Variants in KCNQ1 observed in about 807,000 individuals in gnomAD.
KCNQ1 encodes potassium voltage-gated channel subfamily KQT member 1.
In KCNQ1, 49 loss-of-function variants were observed where a neutral mutation model predicts 72.4. The ratio of observed to expected loss-of-function variants is 0.68; its 90% CI spans 0.54 to 0.86. The LOEUF (loss-of-function observed/expected upper bound fraction) is 0.86. Among genes scored for constraint, KCNQ1 ranks in the 40% least tolerant of loss-of-function variants. The pLI, the probability that KCNQ1 is intolerant of heterozygous loss-of-function variation, is 0.00. For synonymous variants in KCNQ1, 450 were observed against 412.6 expected (o/e 1.09, Z -1.10); for missense variants, 790 against 945.1 (o/e 0.84, Z 2.15).
Position 2,669,601 on chromosome 11 carries a change from G to A in KCNQ1, c.1514+7520G>A. 2.5e-6 allele frequency: 1 copy of A among 398,586 alleles called. No homozygotes were observed. Among genetic ancestry groups the A allele is most frequent in the East Asian group, 3.6e-5 (1 of 28,078 alleles). 24.7% of individuals were successfully genotyped at this position (398,586 alleles called of 1,614,324 possible). On this transcript the variant is annotated intron_variant, in intron 11 of 15. Coordinates refer to ENST00000155840, the MANE Select transcript of KCNQ1 (RefSeq NM_000218.3). The surrounding 1 kb of genome is among the most constrained non-coding windows in gnomAD (Gnocchi z 5.6). ...TTTCATCCTGCCCACAGGACACTGG[G>A]GCAGTCACCTAATCTCTATCAGCCT...
rs1259823732 is a variant in KCNQ1 at position 2,686,049 on chromosome 11, T to TGGGGCA, written c.1514+23979_1514+23984dup. 5 of 399,250 alleles carry TGGGGCA rather than the reference T, an allele frequency of 1.3e-5. No homozygotes were observed. The Admixed American group carries it at 1.3e-4, about 11-fold the overall frequency. The allele number at this position is 399,250 out of a possible 1,614,324, so 24.7% of individuals were successfully genotyped here. On this transcript the variant is annotated intron_variant, in intron 11 of 15. Coordinates refer to ENST00000155840, the MANE Select transcript of KCNQ1 (RefSeq NM_000218.3). ...AGCCCCGCCAGCTCGCACCATCTGA[T>TGGGGCA]GGGGCAGGGGCAGGGGAAGGACAGG...
At position 2,647,987 on chromosome 11, in the gene KCNQ1, G is replaced by T. The variant is rs972918912; in HGVS notation, c.1394-13974G>T. The T allele has an allele frequency of 1.9e-4, 75 of 397,604 alleles. No individual in the cohort carries two copies. Among genetic ancestry groups the T allele is most frequent in the Admixed American group, 5.3e-4 (12 of 22,680 alleles). 24.6% of individuals were successfully genotyped at this position (397,604 alleles called of 1,614,324 possible). Reference sequence around the variant, plus strand: ...CCAGTACTTTGGAAGGCCAAGGCAGGCCGATCGCTTGAGTCCAGGAGTTTG... The same window carrying T: ...CCAGTACTTTGGAAGGCCAAGGCAGTCCGATCGCTTGAGTCCAGGAGTTTG... On this transcript the variant is annotated intron_variant, in intron 10 of 15. Coordinates refer to ENST00000155840, the MANE Select transcript of KCNQ1 (RefSeq NM_000218.3). This position sits in a 1 kb window ranked among gnomAD's most constrained non-coding sequence, Gnocchi z 4.0.
chr11:2,507,408 C>T lies in KCNQ1; in HGVS notation c.387-20520C>T, dbSNP rs1396782211. The stretch of plus-strand genomic sequence containing the variant: ...CTGAGGTGGCTGTGGGATGGGACGG[C>T]GTGGTTTGCTCTAGAGGGTTTGAAG... On this transcript the variant is annotated intron_variant, in intron 1 of 15. Coordinates refer to ENST00000155840, the MANE Select transcript of KCNQ1 (RefSeq NM_000218.3). The surrounding 1 kb of genome is among the most constrained non-coding windows in gnomAD (Gnocchi z 5.4). Among the ~76,000 whole-genome samples, 1 of 151,676 alleles carries T rather than the reference C, an allele frequency of 6.6e-6. No homozygotes were observed. Among genetic ancestry groups the T allele is most frequent in the African/African-American group, 2.4e-5 (1 of 41,246 alleles).
At position 2,674,413 on chromosome 11, in the gene KCNQ1, C is replaced by G. The variant is rs1850251693; in HGVS notation, c.1514+12332C>G. On this transcript the variant is annotated intron_variant, in intron 11 of 15. Coordinates refer to ENST00000155840, the MANE Select transcript of KCNQ1 (RefSeq NM_000218.3). The surrounding 1 kb of genome is among the most constrained non-coding windows in gnomAD (Gnocchi z 5.9). ...CATGCGTGCGTGTGTGTGTGCGCGC[C>G]CGCGCGCACACGACCACAGAGGCTG... is the stretch of plus-strand genomic sequence containing the variant. 1 of 398,394 alleles carries G rather than the reference C, an allele frequency of 2.5e-6. No homozygotes were observed. The highest frequency in any genetic ancestry group is 4.4e-6 in the Non-Finnish European group (1 of 226,006). 24.7% of individuals were successfully genotyped at this position (398,394 alleles called of 1,614,324 possible).
chr11:2,677,657 T>G lies in KCNQ1; in HGVS notation c.1514+15576T>G. Reference sequence around the variant, plus strand: ...TGTAACTCTAACAACTGTTATTGCATATGAGATAAAATAATATTTTAACTA... The same window carrying G: ...TGTAACTCTAACAACTGTTATTGCAGATGAGATAAAATAATATTTTAACTA... On this transcript the variant is annotated intron_variant, in intron 11 of 15. Coordinates refer to ENST00000155840, the MANE Select transcript of KCNQ1 (RefSeq NM_000218.3). This position sits in a 1 kb window ranked among gnomAD's most constrained non-coding sequence, Gnocchi z 4.5. The G allele has an allele frequency of 5.0e-6, 2 of 398,640 alleles. No individual in the cohort carries two copies. The highest frequency in any genetic ancestry group is 4.4e-6 in the Non-Finnish European group (1 of 226,058). The allele number at this position is 398,640 out of a possible 1,614,324, so 24.7% of individuals were successfully genotyped here. A position where few individuals can be genotyped will look rare whatever the true frequency, so the allele number is the denominator to read the frequency against.
At chr11:2,448,129 T>TC (rs1846071976) in intron 1 of KCNQ1, among the ~76,000 whole-genome samples, 1 of 152,194 alleles carries the variant, frequency 6.6e-6, no homozygotes, top group Non-Finnish European at 1.5e-5. Context: ...CACCCAGCGG[T>TC]CCTAGCTCCC....
chr11:2,549,765 C>T lies in KCNQ1; in HGVS notation c.478-20863C>T, dbSNP rs996697285. Among the ~76,000 whole-genome samples, 17 of 152,200 alleles carry T rather than the reference C, an allele frequency of 1.1e-4. No homozygotes were observed. Among genetic ancestry groups the T allele is most frequent in the South Asian group, 6.2e-4 (3 of 4,824 alleles). On this transcript the variant is annotated intron_variant, in intron 2 of 15. Transcript: ENST00000155840. This position sits in a 1 kb window ranked among gnomAD's most constrained non-coding sequence, Gnocchi z 6.2. Reference sequence around the variant, plus strand: ...GGGGCAGTGGACGTGAGCAGCAGCACGTGGCCCCCAGTCATGAGTACCCCA... The same window carrying T: ...GGGGCAGTGGACGTGAGCAGCAGCATGTGGCCCCCAGTCATGAGTACCCCA...
chr11:2,825,803 G>A lies in KCNQ1; in HGVS notation c.1795-21964G>A, dbSNP rs944687552. Reference sequence around the variant, plus strand: ...TTGCTCAGTAACGGACTGGACCAGCGCGGCCTCCACGCCAGGGACTGGGGC... The same window carrying A: ...TTGCTCAGTAACGGACTGGACCAGCACGGCCTCCACGCCAGGGACTGGGGC... On this transcript the variant is annotated intron_variant, in intron 15 of 15. Transcript: ENST00000155840. Among the ~76,000 whole-genome samples, 18 of 152,190 alleles carry A rather than the reference G, an allele frequency of 1.2e-4. 1 individual carries two copies. Among genetic ancestry groups the A allele is most frequent in the African/African-American group, 3.4e-4 (14 of 41,450 alleles).
rs1846212760 is a variant in KCNQ1, at chr11:2,457,390, G to A, written c.386+11906G>A. On this transcript the variant is annotated intron_variant, in intron 1 of 15. Transcript: ENST00000155840. The surrounding 1 kb of genome is among the most constrained non-coding windows in gnomAD (Gnocchi z 5.0). ...AAGACATGAGTCAACTCAGGTGCCT[G>A]TCAATGGTAGATCGAATAAAGCAAA... is the stretch of plus-strand genomic sequence containing the variant. Among the ~76,000 whole-genome samples the A allele has an allele frequency of 6.6e-6, 1 of 152,220 alleles. No homozygotes were observed. The highest frequency in any genetic ancestry group is 1.5e-5 in the Non-Finnish European group (1 of 68,052).
chr11:2,644,736 T>G (rs1849640481), intron 10 of KCNQ1: 1 of 398,574 alleles, frequency 2.5e-6, no homozygotes, highest in Non-Finnish European at 4.4e-6. Flanking sequence ...ATCTATGGTG[T>G]TCTTTGGGCA....
intron 2 of KCNQ1, among the ~76,000 whole-genome samples, chr11:2,533,304 C>T (rs775358912): frequency 2.6e-5 from 4 of 152,124 alleles, no homozygotes; most frequent in Admixed American, 1.3e-4. Context: ...AAAGCCATTT[C>T]GGGAGGAATC....
rs1228177507 is a variant in KCNQ1 at position 2,668,627 on chromosome 11, T to G, written c.1514+6546T>G. The stretch of plus-strand genomic sequence containing the variant: ...TTGCCTACATCTTCTGCCTGTTTTA[T>G]GTTTATTTATGGTCCTATATATCTT... On this transcript the variant is annotated intron_variant, in intron 11 of 15. Transcript: ENST00000155840. This position sits in a 1 kb window ranked among gnomAD's most constrained non-coding sequence, Gnocchi z 4.3. 1.0e-5 allele frequency: 4 copies of G among 398,526 alleles called. No homozygotes were observed. The East Asian group carries it at 1.1e-4, about 11-fold the overall frequency. 24.7% of individuals were successfully genotyped at this position (398,526 alleles called of 1,614,324 possible).
rs1849912427 is a variant in KCNQ1, at chr11:2,659,494, A to G, written c.1394-2467A>G. 1 of 398,414 alleles carries G rather than the reference A, an allele frequency of 2.5e-6. No homozygotes were observed. Among genetic ancestry groups the G allele is most frequent in the Non-Finnish European group, 4.4e-6 (1 of 226,024 alleles). The allele number at this position is 398,414 out of a possible 1,614,324, so 24.7% of individuals were successfully genotyped here. ...TTGCATGAATATATACATTTTGTTT[A>G]TGCATTCACCTGTTGAAGGACATCT... On this transcript the variant is annotated intron_variant, in intron 10 of 15. Coordinates refer to ENST00000155840, the MANE Select transcript of KCNQ1 (RefSeq NM_000218.3). This position sits in a 1 kb window ranked among gnomAD's most constrained non-coding sequence, Gnocchi z 4.3.
chr11:2,565,156 T>G lies in KCNQ1; in HGVS notation c.478-5472T>G, dbSNP rs991564073. Among the ~76,000 whole-genome samples, 2 of 152,200 alleles carry G rather than the reference T, an allele frequency of 1.3e-5. No individual in the cohort carries two copies. Among genetic ancestry groups the G allele is most frequent in the Non-Finnish European group, 2.9e-5 (2 of 68,028 alleles). ...CTGGCATGTTATTTAAACAGACTAT[T>G]TGTTAGAGCAGTTTTAGGTTCACAG... On this transcript the variant is annotated intron_variant, in intron 2 of 15. Coordinates refer to ENST00000155840, the MANE Select transcript of KCNQ1 (RefSeq NM_000218.3). This position sits in a 1 kb window ranked among gnomAD's most constrained non-coding sequence, Gnocchi z 5.6.
rs139718180 is a variant in KCNQ1 at position 2,512,201 on chromosome 11, C to T, written c.387-15727C>T. 1.5e-4 allele frequency among the ~76,000 whole-genome samples: 23 copies of T among 152,306 alleles called. No homozygotes were observed. In the East Asian group the frequency reaches 3.1e-3, roughly 21 times the overall value. ...TCGCTGAGCACTTGGCCTGCCCAGC[C>T]GGTGACAATGAGAACCGCACATGCT... On this transcript the variant is annotated intron_variant, in intron 1 of 15. Transcript: ENST00000155840.
Position 2,631,603 on chromosome 11 carries a change from T to C in KCNQ1, c.1394-30358T>C. ...TTCTTGGGAGTCAGTCCCTGAAAAT[T>C]ATTGTATTTCTCAGGTGGGTGCTAT... On this transcript the variant is annotated intron_variant, in intron 10 of 15. Transcript: ENST00000155840. 7 of 398,632 alleles carry C rather than the reference T, an allele frequency of 1.8e-5. No individual in the cohort carries two copies. The Admixed American group carries it at 2.2e-4, about 13-fold the overall frequency. The allele number at this position is 398,632 out of a possible 1,614,324, so 24.7% of individuals were successfully genotyped here.
chr11:2,847,631 G>A (rs1719905520), intron 15 of KCNQ1, 136 bp from the exon 16 acceptor site: 2 of 780,236 alleles, frequency 2.6e-6, no homozygotes, highest in Admixed American at 2.1e-5. Flanking sequence ...ACACGTGCGT[G>A]CCGCCTGCAT....
At chr11:2,744,207 G>A (rs1846101422) in intron 11 of KCNQ1, among the ~76,000 whole-genome samples, 1 of 152,258 alleles carries the variant, frequency 6.6e-6, no homozygotes, top group Non-Finnish European at 1.5e-5. Context: ...CACCCTGCCT[G>A]TTTAGGATAA....
intron 1 of KCNQ1, among the ~76,000 whole-genome samples, chr11:2,513,148 T>A (rs1847236976): frequency 6.6e-6 from 1 of 152,154 alleles, no homozygotes; most frequent in Non-Finnish European, 1.5e-5. Flanking sequence ...ATCCTGACCC[T>A]GTGTGATGTG....
Sources: gnomAD v4.1 joint callset for allele counts (sites outside exome capture counted in the v4.1 genomes callset) on GRCh38, gnomAD v4.1.1 for gene constraint, Gnocchi (gnomAD v3.1) non-coding constraint, MANE v1.5 for transcripts, NCBI Gene and HGNC (gene_info 2026-07-23, HGNC 2026-07-21) for gene names.